The following RTN4RL2 variants were observed in gnomAD, a reference collection of about 807,000 sequenced individuals.
The protein encoded by RTN4RL2 is reticulon 4 receptor like 2.
In RTN4RL2, 9 loss-of-function variants were observed where a neutral mutation model predicts 27.8. The ratio of observed to expected loss-of-function variants is 0.32; its 90% CI spans 0.20 to 0.57. RTN4RL2 has a LOEUF of 0.57. RTN4RL2 is among the 20% of genes least tolerant of loss of function. The probability of loss-of-function intolerance (pLI) is 0.90; values close to 1 mark genes in which losing one functional copy is unlikely to be tolerated. For synonymous variants in RTN4RL2, 285 were observed against 297.9 expected, an observed-to-expected ratio of 0.96 and a Z score of 0.45; for missense variants, 436 against 596.8, an observed-to-expected ratio of 0.73 and a Z score of 2.81.
chr11:57,468,721 C>A, intron 2 of RTN4RL2: 1 of 1,536,048 alleles, frequency 6.5e-7, no homozygotes, highest in East Asian at 2.4e-5. Context: ...CGGGAGAAGC[C>A]CACACCCCTT....
In RTN4RL2 at chr11:57,462,036, G is replaced by A. The variant is rs145318572; in HGVS notation, c.31+1140G>A. The stretch of plus-strand genomic sequence containing the variant: ...GGGAGTGGCTGGTGGGCCAGATGGG[G>A]GGTGCTTTGAGCTCAGGGCCCTGGG... On this transcript the variant is annotated intron_variant, in intron 1 of 2. Transcript: ENST00000335099. 3.9e-3 allele frequency among the ~76,000 whole-genome samples: 586 copies of A among 152,078 alleles called. 5 individuals carry two copies. The highest frequency in any genetic ancestry group is 0.013 in the African/African-American group (558 of 41,466).
intron 2 of RTN4RL2, among the ~76,000 whole-genome samples, chr11:57,470,492 T>A (rs1286286612): frequency 6.6e-6 from 1 of 152,086 alleles, no homozygotes; most frequent in East Asian, 1.9e-4. Flanking sequence ...GGTGATCCAC[T>A]CACCTCGGCC....
intron 2 of RTN4RL2, chr11:57,468,527 C>T (rs987805832): frequency 7.1e-5 from 108 of 1,523,188 alleles, no homozygotes; most frequent in Non-Finnish European, 8.5e-5. Context: ...TGTGATCTCA[C>T]GTGTTTGCCT....
chr11:57,470,243 C>T (rs1169291418), intron 2 of RTN4RL2, among the ~76,000 whole-genome samples: 2 of 152,198 alleles, frequency 1.3e-5, no homozygotes, highest in East Asian at 3.9e-4. Context: ...CAGGATAGTA[C>T]TTAATAATAA....
intron 2 of RTN4RL2, among the ~76,000 whole-genome samples, chr11:57,471,774 T>C (rs1178937361): frequency 6.6e-6 from 1 of 152,266 alleles, no homozygotes; most frequent in Non-Finnish European, 1.5e-5. Context: ...GTGCCAGGGA[T>C]TCAGGAGAGA....
chr11:57,476,911 A>G lies in RTN4RL2; in HGVS notation c.1263A>G (p.Ter421TrpextTer4). ...CLLLLVPHHL[*>W] ...TGCTCCTGGTGCCCCACCACCTCTG[A>G]CTGCGGTGCTGAGATCGAAGAGGCC... The change falls in exon 3 of 3, where the codon TGA (stop) becomes TGG (tryptophan). Residue 421 changes from the stop codon to tryptophan, a stop_lost. Coordinates refer to ENST00000335099, the MANE Select transcript of RTN4RL2 (RefSeq NM_178570.3). The surrounding 1 kb of genome is among the most constrained non-coding windows in gnomAD (Gnocchi z 8.2). 1 of 1,563,164 alleles carries G rather than the reference A, an allele frequency of 6.4e-7. No homozygotes were observed. Among genetic ancestry groups the G allele is most frequent in the South Asian group, 1.1e-5 (1 of 88,610 alleles).
At chr11:57,462,676 T>G (rs761915867) in intron 1 of RTN4RL2, among the ~76,000 whole-genome samples, 1 of 152,276 alleles carries the variant, frequency 6.6e-6, no homozygotes, top group Non-Finnish European at 1.5e-5. Flanking sequence ...CTCCAAGGTT[T>G]GATAGCCAGA....
Position 57,476,251 on chromosome 11 carries a change from C to G in RTN4RL2, c.603C>G (p.Gly201=), listed in dbSNP as rs1231077340. The G allele has an allele frequency of 6.2e-7, 1 of 1,612,560 alleles. No homozygotes were observed. The highest frequency in any genetic ancestry group is 1.7e-5 in the Admixed American group (1 of 59,972). Residue 201 remains glycine (G), a synonymous_variant, in exon 3 of 3, where the codon GGC becomes GGG. Coordinates refer to ENST00000335099, the MANE Select transcript of RTN4RL2 (RefSeq NM_178570.3). The surrounding 1 kb of genome is among the most constrained non-coding windows in gnomAD (Gnocchi z 8.2). ...LRLLTEHVFR[G]LGSLDRLLLH... is the part of the protein sequence containing the mutation. ...TGCTCACAGAGCACGTGTTTCGCGG[C>G]CTGGGCAGCCTGGACCGGCTGCTGC...
chr11:57,460,927 G>A (rs1943478825), intron 1 of RTN4RL2, 31 bp downstream of exon 1: 2 of 1,352,804 alleles, frequency 1.5e-6, no homozygotes, highest in African/African-American at 1.5e-5. Context: ...AGAGCGGAGG[G>A]CATCCTGGGG....
In RTN4RL2 at chr11:57,476,516, A is replaced by AC. The variant is rs750876328; in HGVS notation, c.875dup (p.Glu293GlyfsTer75). ...GTCCAGCTCCGACGTGACCTGCGCC[A>AC]CCCCCCCGGAGCGCCAGGGCCGAGA... On this transcript the variant is annotated frameshift_variant, in exon 3 of 3. Transcript: ENST00000335099. LOFTEE classifies it high-confidence loss of function. This position sits in a 1 kb window ranked among gnomAD's most constrained non-coding sequence, Gnocchi z 8.2. 13 of 1,456,872 alleles carry AC rather than the reference A, an allele frequency of 8.9e-6. No individual in the cohort carries two copies. The highest frequency in any genetic ancestry group is 5.4e-5 in the Admixed American group (2 of 37,130). The allele number at this position is 1,456,872 out of a possible 1,614,324, so 90.2% of individuals were successfully genotyped here.
intron 2 of RTN4RL2, among the ~76,000 whole-genome samples, chr11:57,470,610 T>TA (rs1943557018): frequency 1.4e-5 from 2 of 145,504 alleles, no homozygotes; most frequent in South Asian, 4.1e-4. Context: ...GCACAAGGAT[T>TA]AAAATGTAAG....
intron 1 of RTN4RL2, among the ~76,000 whole-genome samples, chr11:57,465,942 A>G (rs1448811532): frequency 1.3e-5 from 2 of 148,992 alleles, no homozygotes; most frequent in African/African-American, 4.9e-5. Flanking sequence ...GTTTGAGGCC[A>G]GGAGTTTGAG....
In RTN4RL2 at chr11:57,460,592, C is replaced by A. The variant is rs1330627964; in HGVS notation, c.-274C>A. On this transcript the variant is annotated 5_prime_UTR_variant, in exon 1 of 3. Transcript: ENST00000335099. ...GACTGACGGACTCTCGAGCGGACAG[C>A]GCAGCTAGCGGGGCGCGGGCGCTGG... 5.7e-6 allele frequency: 1 copy of A among 176,310 alleles called. No homozygotes were observed. Among genetic ancestry groups the A allele is most frequent in the African/African-American group, 2.4e-5 (1 of 42,004 alleles). The allele number at this position is 176,310 out of a possible 1,614,324, so 10.9% of individuals were successfully genotyped here.
rs992091441 is a variant in RTN4RL2 at position 57,477,516 on chromosome 11, A to G, written c.*605A>G. On this transcript the variant is annotated 3_prime_UTR_variant, in exon 3 of 3. Coordinates refer to ENST00000335099, the MANE Select transcript of RTN4RL2 (RefSeq NM_178570.3). Reference sequence around the variant, plus strand: ...AGTTGTTTGGGAAAAAAAATTTATTAAAAAATTCTATTATTTTATCTACTG... The same window carrying G: ...AGTTGTTTGGGAAAAAAAATTTATTGAAAAATTCTATTATTTTATCTACTG... 2 of 152,216 alleles carry G rather than the reference A, an allele frequency of 1.3e-5. No homozygotes were observed. Among genetic ancestry groups the G allele is most frequent in the African/African-American group, 4.8e-5 (2 of 41,460 alleles). 9.4% of individuals were successfully genotyped at this position (152,216 alleles called of 1,614,324 possible).
At chr11:57,470,809 T>G (rs1943558608) in intron 2 of RTN4RL2, among the ~76,000 whole-genome samples, 1 of 152,202 alleles carries the variant, frequency 6.6e-6, no homozygotes, top group Non-Finnish European at 1.5e-5. Flanking sequence ...TACTATTTTC[T>G]GACTTATTTA....
chr11:57,461,030 G>C (rs1204980991), intron 1 of RTN4RL2, 134 bp downstream of exon 1: 1 of 507,106 alleles, frequency 2.0e-6, no homozygotes, highest in African/African-American at 2.0e-5. Flanking sequence ...CAGCGCTGGG[G>C]CCGCGCCCCC....
At position 57,476,302 on chromosome 11, in the gene RTN4RL2, G is replaced by T. The variant is rs1943594851; in HGVS notation, c.654G>T (p.Val218=). 6.2e-7 allele frequency: 1 copy of T among 1,611,404 alleles called. No homozygotes were observed. Among genetic ancestry groups the T allele is most frequent in the African/African-American group, 1.3e-5 (1 of 74,892 alleles). The change falls in exon 3 of 3, where the codon GTG becomes GTT. Residue 218 remains valine, a synonymous_variant. Coordinates refer to ENST00000335099, the MANE Select transcript of RTN4RL2 (RefSeq NM_178570.3). The surrounding 1 kb of genome is among the most constrained non-coding windows in gnomAD (Gnocchi z 8.2). ...TGCACGGGAACCGGCTGCAGGGCGTGCACCGCGCGGCCTTCCGCGGCCTCA... is the reference window on the plus strand; with the variant it reads ...TGCACGGGAACCGGCTGCAGGGCGTTCACCGCGCGGCCTTCCGCGGCCTCA... ...LLLHGNRLQG[V]HRAAFRGLSR...
At chr11:57,466,572 T>G (rs1394740847) in intron 1 of RTN4RL2, among the ~76,000 whole-genome samples, 1 of 152,170 alleles carries the variant, frequency 6.6e-6, no homozygotes. Context: ...TCTGCATAGT[T>G]CCTAGGACTG....
Position 57,476,884 on chromosome 11 carries a change from C to T in RTN4RL2, c.1236C>T (p.Leu412=). ...SAGLPSPLLC[L]LLLVPHHL ...GGCTCCCCAGCCCTCTGCTTTGCCT[C>T]CTGCTCCTGGTGCCCCACCACCTCT... Residue 412 remains leucine, a synonymous_variant, in exon 3 of 3, where the codon CTC becomes CTT. Coordinates refer to ENST00000335099, the MANE Select transcript of RTN4RL2 (RefSeq NM_178570.3). This position sits in a 1 kb window ranked among gnomAD's most constrained non-coding sequence, Gnocchi z 8.2. 1 of 1,575,174 alleles carries T rather than the reference C, an allele frequency of 6.3e-7. No homozygotes were observed. Among genetic ancestry groups the T allele is most frequent in the Non-Finnish European group, 8.6e-7 (1 of 1,167,980 alleles).
Sources: allele counts gnomAD v4.1 joint callset (sites outside exome capture counted in the v4.1 genomes callset), GRCh38; gene constraint gnomAD v4.1.1; non-coding constraint Gnocchi (gnomAD v3.1); transcripts MANE v1.5; gene names NCBI Gene and HGNC (gene_info 2026-07-23, HGNC 2026-07-21).